NCKAP5: variants seen among roughly 807,000 people sequenced by gnomAD.
NCKAP5 encodes the protein NCK associated protein 5.
Under a neutral mutation model 167.0 loss-of-function variants are expected in NCKAP5, and 92 were observed. The observed-to-expected ratio is 0.55, with a 90% CI of 0.47 to 0.66. The LOEUF (loss-of-function observed/expected upper bound fraction) is 0.66, where lower values mean the gene tolerates loss of function less well. NCKAP5 is among the 30% of genes least tolerant of loss of function. NCKAP5 has a pLI of 0.00. For missense variants in NCKAP5, 2,378 were observed against 2,315.0 expected (o/e 1.03, Z -0.56); for synonymous variants, 891 against 877.4 (o/e 1.02, Z -0.27).
At chr2:132,817,515 T>C (rs1004223540) in intron 11 of NCKAP5, among the ~76,000 whole-genome samples, 4 of 152,218 alleles carry the variant, frequency 2.6e-5, no homozygotes, top group African/African-American at 9.6e-5. Context: ...TGTTTTTGTG[T>C]ATAAAGAGGT....
chr2:133,674,392 C>CAGCA, the NCKAP5 span, among the ~76,000 whole-genome samples: 3 of 152,178 alleles, frequency 2.0e-5, no homozygotes, highest in Admixed American at 2.0e-4. Flanking sequence ...CCTGGATACA[C>CAGCA]AGCAGCAAGT....
At chr2:133,114,292 C>T (rs928213638) in intron 6 of NCKAP5, among the ~76,000 whole-genome samples, 1 of 152,150 alleles carries the variant, frequency 6.6e-6, no homozygotes, top group Non-Finnish European at 1.5e-5. Flanking sequence ...ACATTACAAA[C>T]ATCTGCAAAA....
At chr2:133,060,656 G>A (rs1257665056) in intron 6 of NCKAP5, among the ~76,000 whole-genome samples, 1 of 152,020 alleles carries the variant, frequency 6.6e-6, no homozygotes, top group Non-Finnish European at 1.5e-5. Flanking sequence ...AGATTTCAAC[G>A]GTGGGCCAAT....
intron 6 of NCKAP5, among the ~76,000 whole-genome samples, chr2:133,052,178 A>G (rs897754570): frequency 1.3e-5 from 2 of 152,202 alleles, no homozygotes; most frequent in Admixed American, 1.3e-4. Flanking sequence ...TTCATCAATG[A>G]CAAAATAAAC....
intron 19 of NCKAP5, among the ~76,000 whole-genome samples, chr2:132,698,332 A>C (rs2105213822): frequency 6.6e-6 from 1 of 152,342 alleles, no homozygotes; most frequent in East Asian, 1.9e-4. Flanking sequence ...TACCTGCTTT[A>C]GTCTTCAAAA....
At chr2:132,731,628 T>C in intron 17 of NCKAP5, 109 bp downstream of exon 17, 1 of 1,191,582 alleles carries the variant, frequency 8.4e-7, no homozygotes, top group Non-Finnish European at 1.2e-6. Flanking sequence ...AATTTTCACA[T>C]ATCTACATTT....
chr2:133,600,487 G>A, the NCKAP5 span, among the ~76,000 whole-genome samples: 1 of 152,202 alleles, frequency 6.6e-6, no homozygotes. Context: ...GAGCCGTCGG[G>A]GCGCCTTTGA....
At chr2:133,623,658 G>T in the NCKAP5 span, among the ~76,000 whole-genome samples, 1 of 151,920 alleles carries the variant, frequency 6.6e-6, no homozygotes. Context: ...ATGTTGGCAT[G>T]GATGCAGTGA....
chr2:133,187,160 T>G (rs1197114215), intron 5 of NCKAP5, among the ~76,000 whole-genome samples: 1 of 152,040 alleles, frequency 6.6e-6, no homozygotes, highest in Non-Finnish European at 1.5e-5. Flanking sequence ...TGTCTCTATT[T>G]TCATTAATTT....
At chr2:133,026,980 C>T (rs892928051) in intron 6 of NCKAP5, among the ~76,000 whole-genome samples, 1 of 152,180 alleles carries the variant, frequency 6.6e-6, no homozygotes, top group Admixed American at 6.5e-5. Flanking sequence ...CAGGGCAGTT[C>T]ATTCCAATGC....
intron 4 of NCKAP5, among the ~76,000 whole-genome samples, chr2:133,268,703 C>A (rs948568943): frequency 2.0e-5 from 3 of 152,122 alleles, no homozygotes; most frequent in Admixed American, 1.3e-4. Context: ...ATCTCCTGAC[C>A]TCGTGATCCG....
chr2:133,512,498 T>C (rs957842680), intron 3 of NCKAP5, among the ~76,000 whole-genome samples: 2 of 152,190 alleles, frequency 1.3e-5, no homozygotes, highest in Non-Finnish European at 2.9e-5. Context: ...CTACATTTGA[T>C]CATGTGTCTT....
At chr2:133,325,732 G>A (rs1682390672) in intron 3 of NCKAP5, among the ~76,000 whole-genome samples, 1 of 152,164 alleles carries the variant, frequency 6.6e-6, no homozygotes, top group Non-Finnish European at 1.5e-5. Flanking sequence ...ACATTTGCCT[G>A]GAGATGTCAA....
the NCKAP5 span, among the ~76,000 whole-genome samples, chr2:133,660,374 G>C: frequency 1.3e-5 from 2 of 151,896 alleles, no homozygotes; most frequent in Admixed American, 6.6e-5. Context: ...CCAAGAGCAT[G>C]TTTTCTTTAT....
intron 8 of NCKAP5, among the ~76,000 whole-genome samples, chr2:132,880,457 C>T (rs1363125499): frequency 2.6e-5 from 4 of 151,894 alleles, no homozygotes; most frequent in African/African-American, 9.7e-5. Flanking sequence ...GGGTGAAACC[C>T]CATCTCTACT....
intron 6 of NCKAP5, among the ~76,000 whole-genome samples, chr2:133,051,183 C>T (rs1455708672): frequency 6.6e-6 from 1 of 152,118 alleles, no homozygotes; most frequent in African/African-American, 2.4e-5. Context: ...TAATTATTCC[C>T]TCTGTGTGGT....
At chr2:132,872,493 G>A (rs1048902475) in intron 9 of NCKAP5, among the ~76,000 whole-genome samples, 2 of 152,160 alleles carry the variant, frequency 1.3e-5, no homozygotes, top group Admixed American at 1.3e-4. Context: ...TTGAAAAACA[G>A]TCCTTGAAGC....
At chr2:132,747,092 C>T (rs1035677468) in intron 16 of NCKAP5, among the ~76,000 whole-genome samples, 1 of 150,844 alleles carries the variant, frequency 6.6e-6, no homozygotes, top group African/African-American at 2.4e-5. Context: ...CTGAACTATA[C>T]ACTTCAAAAG....
At chr2:133,648,899 A>G in the NCKAP5 span, among the ~76,000 whole-genome samples, 1 of 151,874 alleles carries the variant, frequency 6.6e-6, no homozygotes, top group Non-Finnish European at 1.5e-5. Context: ...AACAAAGATG[A>G]GAGCAAAAAT....
Sources: allele counts gnomAD v4.1 joint callset (sites outside exome capture counted in the v4.1 genomes callset), GRCh38; gene constraint gnomAD v4.1.1; transcripts MANE v1.5; gene names NCBI Gene and HGNC (gene_info 2026-07-23, HGNC 2026-07-21).